CADPS2: variants seen among roughly 807,000 people sequenced by gnomAD.
The protein encoded by CADPS2 is calcium-dependent secretion activator 2.
In CADPS2, 93 loss-of-function variants were observed where a neutral mutation model predicts 172.5. The observed-to-expected ratio is 0.54, with a 90% CI of 0.46 to 0.64. The LOEUF (loss-of-function observed/expected upper bound fraction) is 0.64, where lower values mean the gene tolerates loss of function less well. CADPS2 is among the 30% of genes least tolerant of loss of function. The pLI is 0.00. For synonymous variants in CADPS2, 546 were observed against 555.2 expected, an observed-to-expected ratio of 0.98 and a Z score of 0.23; for missense variants, 1,420 against 1,565.9, an observed-to-expected ratio of 0.91 and a Z score of 1.57.
intron 8 of CADPS2, among the ~76,000 whole-genome samples, chr7:122,545,191 A>C (rs1022326214): frequency 6.6e-5 from 10 of 152,090 alleles, no homozygotes; most frequent in Non-Finnish European, 1.0e-4. Flanking sequence ...ATCTTGGTAT[A>C]AAAAAGACTC....
intron 1 of CADPS2, among the ~76,000 whole-genome samples, chr7:122,824,715 G>A (rs1358123727): frequency 6.6e-6 from 1 of 152,168 alleles, no homozygotes; most frequent in African/African-American, 2.4e-5. Flanking sequence ...TGCCATGTCA[G>A]TGTATTAAGA....
chr7:122,495,404 A>C (rs1449318466), intron 9 of CADPS2, among the ~76,000 whole-genome samples: 2 of 152,332 alleles, frequency 1.3e-5, no homozygotes, highest in Non-Finnish European at 2.9e-5. Context: ...ATCGATAAAC[A>C]TCAAGTACTT....
chr7:122,363,036 T>G (rs764588254), intron 25 of CADPS2, among the ~76,000 whole-genome samples: 7 of 149,530 alleles, frequency 4.7e-5, no homozygotes, highest in Non-Finnish European at 9.0e-5. Flanking sequence ...GGAAAAAAAA[T>G]CCACCCACAA....
intron 2 of CADPS2, among the ~76,000 whole-genome samples, chr7:122,695,609 A>G (rs2084970035): frequency 1.3e-5 from 2 of 152,320 alleles, no homozygotes; most frequent in East Asian, 1.9e-4. Flanking sequence ...GCCACTCAGC[A>G]GACAGTTCCC....
intron 8 of CADPS2, among the ~76,000 whole-genome samples, chr7:122,553,691 T>C (rs2064623426): frequency 6.6e-6 from 1 of 152,124 alleles, no homozygotes; most frequent in Non-Finnish European, 1.5e-5. Flanking sequence ...ATGTTAGTGA[T>C]TGGGCCCTAA....
intron 1 of CADPS2, among the ~76,000 whole-genome samples, chr7:122,853,524 A>C (rs1266492087): frequency 6.6e-6 from 1 of 152,132 alleles, no homozygotes; most frequent in Non-Finnish European, 1.5e-5. Flanking sequence ...TATATAACAG[A>C]TCCCTATTTG....
chr7:122,629,006 T>C lies in CADPS2; in HGVS notation c.867+242A>G, dbSNP rs149957884. 3.5e-3 allele frequency among the ~76,000 whole-genome samples: 537 copies of C among 151,994 alleles called. 1 individual carries two copies. Among genetic ancestry groups the C allele is most frequent in the African/African-American group, 0.013 (524 of 41,496 alleles). On this transcript the variant is annotated intron_variant, in intron 4 of 29. Coordinates refer to ENST00000449022, the MANE Select transcript of CADPS2 (RefSeq NM_017954.11). ...CATGCATTGCTTTAAGAGAAGTCTA[T>C]AAAAGTTATCATTAAAATTAAACAG...
intron 2 of CADPS2, among the ~76,000 whole-genome samples, chr7:122,704,996 T>A (rs1441618725): frequency 1.3e-5 from 2 of 151,948 alleles, no homozygotes; most frequent in African/African-American, 2.4e-5. Flanking sequence ...TGAAACAGCC[T>A]GAGGAGAGAA....
At chr7:122,452,224 T>C (rs1431465028) in intron 14 of CADPS2, among the ~76,000 whole-genome samples, 1 of 152,216 alleles carries the variant, frequency 6.6e-6, no homozygotes, top group Admixed American at 6.5e-5. Flanking sequence ...TATCCGGTTG[T>C]ACGGCAATCA....
At chr7:122,676,467 G>A (rs1188628406) in intron 2 of CADPS2, 2 of 387,372 alleles carry the variant, frequency 5.2e-6, no homozygotes, top group East Asian at 7.5e-5. Flanking sequence ...TTTGAAAAAT[G>A]AGGACATTTT....
intron 4 of CADPS2, among the ~76,000 whole-genome samples, chr7:122,627,605 A>T (rs1009729912): frequency 6.6e-6 from 1 of 152,156 alleles, no homozygotes; most frequent in African/African-American, 2.4e-5. Context: ...TGAACCTGAG[A>T]ATACGTCTGA....
At chr7:122,644,205 G>A (rs868701573) in intron 3 of CADPS2, among the ~76,000 whole-genome samples, 6 of 152,174 alleles carry the variant, frequency 3.9e-5, no homozygotes, top group Admixed American at 2.6e-4. Context: ...CCTAACATTC[G>A]GGACTTCCCA....
At chr7:122,752,686 C>A (rs1477690079) in intron 1 of CADPS2, among the ~76,000 whole-genome samples, 1 of 152,078 alleles carries the variant, frequency 6.6e-6, no homozygotes, top group East Asian at 1.9e-4. Flanking sequence ...CAATGACAAA[C>A]CCTTTCAGTT....
chr7:122,394,554 TGAA>T (rs940025373), intron 20 of CADPS2, among the ~76,000 whole-genome samples: 2 of 152,120 alleles, frequency 1.3e-5, no homozygotes, highest in African/African-American at 4.8e-5. Flanking sequence ...AAGGTATTCC[TGAA>T]GAGACAGAAG....
At chr7:122,789,346 G>T (rs974462761) in intron 1 of CADPS2, among the ~76,000 whole-genome samples, 3 of 152,126 alleles carry the variant, frequency 2.0e-5, no homozygotes, top group African/African-American at 7.2e-5. Flanking sequence ...AGGAAGGATT[G>T]GCCTTTAACT....
At chr7:122,365,881 T>C in intron 25 of CADPS2, among the ~76,000 whole-genome samples, 1 of 152,186 alleles carries the variant, frequency 6.6e-6, no homozygotes. Flanking sequence ...ATATGGAAGG[T>C]AGAACCATAA....
chr7:122,563,790 C>A (rs1338632540), intron 7 of CADPS2, among the ~76,000 whole-genome samples: 1 of 152,038 alleles, frequency 6.6e-6, no homozygotes, highest in African/African-American at 2.4e-5. Context: ...AAAGTTATGG[C>A]AAAATGTTTT....
At chr7:122,548,046 C>G (rs2063803909) in intron 8 of CADPS2, among the ~76,000 whole-genome samples, 1 of 152,066 alleles carries the variant, frequency 6.6e-6, no homozygotes, top group Non-Finnish European at 1.5e-5. Flanking sequence ...ATTGAGTCAG[C>G]TGTTTAGGTT....
At chr7:122,500,044 A>G (rs1396853337) in intron 9 of CADPS2, among the ~76,000 whole-genome samples, 2 of 152,150 alleles carry the variant, frequency 1.3e-5, no homozygotes, top group African/African-American at 4.8e-5. Context: ...CCGCTGTGTA[A>G]AGTACTCCAG....
Sources: gnomAD v4.1 joint callset for allele counts (sites outside exome capture counted in the v4.1 genomes callset) on GRCh38, gnomAD v4.1.1 for gene constraint, MANE v1.5 for transcripts, NCBI Gene and HGNC (gene_info 2026-07-23, HGNC 2026-07-21) for gene names.